The following C1QTNF3 variants were observed in gnomAD, a reference collection of about 807,000 sequenced individuals.
The protein encoded by C1QTNF3 is C1q and TNF related 3.
In C1QTNF3, 26 loss-of-function variants were observed where a neutral mutation model predicts 32.6. That is an observed-to-expected ratio of 0.80 (90% CI 0.58 to 1.11). The LOEUF (loss-of-function observed/expected upper bound fraction) is 1.11, where lower values mean the gene tolerates loss of function less well. C1QTNF3 is among the 50% of genes least tolerant of loss of function. C1QTNF3 has a pLI of 0.00. For synonymous variants in C1QTNF3, 155 were observed against 146.0 expected (o/e 1.06, Z -0.44); for missense variants, 362 against 398.2 (o/e 0.91, Z 0.77).
At chr5:34,163,297 A>G in the C1QTNF3 span, among the ~76,000 whole-genome samples, 1 of 152,130 alleles carries the variant, frequency 6.6e-6, no homozygotes, top group Non-Finnish European at 1.5e-5. Context: ...GTGTTTATCT[A>G]TATAACAAAC....
At chr5:34,179,628 C>T in the C1QTNF3 span, among the ~76,000 whole-genome samples, 1 of 152,364 alleles carries the variant, frequency 6.6e-6, no homozygotes. Context: ...AGCTCTCTAA[C>T]AACACTCTTT....
the C1QTNF3 span, among the ~76,000 whole-genome samples, chr5:34,065,442 G>C: frequency 6.6e-6 from 1 of 152,190 alleles, no homozygotes; most frequent in African/African-American, 2.4e-5. Context: ...GAGGCAGGCA[G>C]ATGTCCTCAG....
the C1QTNF3 span, among the ~76,000 whole-genome samples, chr5:34,185,162 C>T: frequency 6.6e-6 from 1 of 152,340 alleles, no homozygotes; most frequent in East Asian, 1.9e-4. Context: ...GCCTGGCCAA[C>T]GTGGTGAAAC....
chr5:34,044,310 T>C (rs1270808790), upstream of C1QTNF3, among the ~76,000 whole-genome samples: 2 of 152,230 alleles, frequency 1.3e-5, no homozygotes, highest in African/African-American at 4.8e-5. Context: ...TTTATTTATA[T>C]TACTCATTCA....
chr5:34,211,663 T>C, the C1QTNF3 span, among the ~76,000 whole-genome samples: 2 of 151,592 alleles, frequency 1.3e-5, no homozygotes, highest in East Asian at 2.0e-4. Flanking sequence ...GTCCTTGTGA[T>C]AGTTTACTGA....
the C1QTNF3 span, among the ~76,000 whole-genome samples, chr5:34,122,676 G>A: frequency 9.9e-5 from 15 of 152,264 alleles, no homozygotes; most frequent in East Asian, 2.9e-3. Flanking sequence ...GAAAGCATGA[G>A]GAAACCTGTT....
rs371598034 is a variant in C1QTNF3, at chr5:34,028,803, A to G, written c.651T>C (p.Ile217=). ...CAGTCATGACATCAAAGAAGTTTCC[A>G]ATGTTGGTCTCAACACTGCTGAAGA... ...GIIFSSVETN[I]GNFFDVMTGR... is the part of the protein sequence containing the mutation. The change falls in exon 4 of 6, where the codon ATT becomes ATC. Residue 217 remains isoleucine, a synonymous_variant. Transcript: ENST00000382065. The G allele has an allele frequency of 3.1e-6, 5 of 1,612,514 alleles. No individual in the cohort carries two copies. Among genetic ancestry groups the G allele is most frequent in the South Asian group, 1.1e-5 (1 of 90,828 alleles).
chr5:34,162,972 T>C, the C1QTNF3 span, among the ~76,000 whole-genome samples: 5 of 152,170 alleles, frequency 3.3e-5, no homozygotes, highest in Non-Finnish European at 5.9e-5. Context: ...CATCTTAATG[T>C]ACCTCTGTAT....
chr5:34,021,669 A>G (rs1754331889), intron 5 of C1QTNF3, among the ~76,000 whole-genome samples: 1 of 152,230 alleles, frequency 6.6e-6, no homozygotes. Context: ...CAGGAACAGA[A>G]AACCAAACAC....
the C1QTNF3 span, among the ~76,000 whole-genome samples, chr5:34,080,480 G>A: frequency 6.6e-6 from 1 of 151,602 alleles, no homozygotes; most frequent in East Asian, 1.9e-4. Context: ...ATATGTACCT[G>A]TTAAATCTTT....
At chr5:34,080,737 C>T in the C1QTNF3 span, among the ~76,000 whole-genome samples, 1 of 151,684 alleles carries the variant, frequency 6.6e-6, no homozygotes, top group African/African-American at 2.4e-5. Flanking sequence ...GTGAAAAATT[C>T]ACGATTCTTG....
chr5:34,066,296 T>C, the C1QTNF3 span, among the ~76,000 whole-genome samples: 1 of 152,228 alleles, frequency 6.6e-6, no homozygotes, highest in African/African-American at 2.4e-5. Context: ...TGATGGTCAC[T>C]TGACATTCCT....
At chr5:34,213,809 A>ATATTT in the C1QTNF3 span, among the ~76,000 whole-genome samples, 13 of 4,940 alleles carry the variant, frequency 2.6e-3, no homozygotes, top group African/African-American at 5.1e-3. Context: ...ATATATATAT[A>ATATTT]TTTTTTTTTT....
chr5:34,235,532 G>A, the C1QTNF3 span, among the ~76,000 whole-genome samples: 5 of 147,720 alleles, frequency 3.4e-5, no homozygotes, highest in African/African-American at 5.0e-5. Flanking sequence ...TCTAAAGACA[G>A]GATATTTCTT....
At chr5:34,102,844 C>T in the C1QTNF3 span, among the ~76,000 whole-genome samples, 1 of 148,894 alleles carries the variant, frequency 6.7e-6, no homozygotes, top group African/African-American at 2.5e-5. Flanking sequence ...GGGGTGGGGG[C>T]TGGGGGAGGG....
At chr5:34,122,286 G>C in the C1QTNF3 span, among the ~76,000 whole-genome samples, 1 of 152,204 alleles carries the variant, frequency 6.6e-6, no homozygotes, top group African/African-American at 2.4e-5. Flanking sequence ...AAGCTGTAGA[G>C]AAAGCTGGAA....
the C1QTNF3 span, among the ~76,000 whole-genome samples, chr5:34,056,448 G>GTATATATATA: frequency 2.3e-5 from 1 of 42,698 alleles, no homozygotes; most frequent in African/African-American, 8.3e-5. Context: ...GTGTGTGTGT[G>GTATATATATA]TGTGTGTATA....
the C1QTNF3 span, among the ~76,000 whole-genome samples, chr5:34,214,237 A>G: frequency 6.6e-6 from 1 of 152,112 alleles, no homozygotes; most frequent in Non-Finnish European, 1.5e-5. Context: ...TGAATGATTG[A>G]AAGCCAGGAG....
chr5:34,194,920 G>A, the C1QTNF3 span, among the ~76,000 whole-genome samples: 1 of 147,520 alleles, frequency 6.8e-6, no homozygotes. Context: ...TATTGTGTAA[G>A]GAATAAGGAC....
Sources: allele counts gnomAD v4.1 joint callset (sites outside exome capture counted in the v4.1 genomes callset), GRCh38; gene constraint gnomAD v4.1.1; transcripts MANE v1.5; gene names NCBI Gene and HGNC (gene_info 2026-07-23, HGNC 2026-07-21).